Variants in MPPED2 observed in about 807,000 individuals in gnomAD.
MPPED2 encodes metallophosphoesterase MPPED2.
A neutral mutation model predicts 33.0 loss-of-function variants in MPPED2; 5 were observed. The observed-to-expected ratio is 0.15, with a 90% CI of 0.08 to 0.32. MPPED2 has a LOEUF of 0.32. Among genes scored for constraint, MPPED2 ranks in the 10% least tolerant of loss-of-function variants. The pLI, the probability that MPPED2 is intolerant of heterozygous loss-of-function variation, is 1.00. For missense variants in MPPED2, 275 were observed against 372.1 expected (o/e 0.74, Z 2.15); for synonymous variants, 136 against 141.9 (o/e 0.96, Z 0.29).
exon 7 of MPPED2, chr11:30,387,666 TGC>T (rs1365223860): frequency 6.6e-6 from 1 of 152,228 alleles, no homozygotes; most frequent in Non-Finnish European, 1.5e-5. Flanking sequence ...TTGGTAAGCA[TGC>T]CAGCTTCTTT....
chr11:30,525,876 T>C (rs1954138695), intron 3 of MPPED2, among the ~76,000 whole-genome samples: 1 of 152,108 alleles, frequency 6.6e-6, no homozygotes, highest in African/African-American at 2.4e-5. Context: ...ACACAGAGGA[T>C]TGGGTTCACA....
intron 2 of MPPED2, among the ~76,000 whole-genome samples, chr11:30,569,901 G>A (rs780030027): frequency 1.2e-4 from 19 of 152,036 alleles, no homozygotes; most frequent in Non-Finnish European, 2.4e-4. Flanking sequence ...ACCTGCTCCC[G>A]GTGCTAAAGT....
At chr11:30,505,319 G>A (rs1041643775) in intron 3 of MPPED2, among the ~76,000 whole-genome samples, 6 of 151,952 alleles carry the variant, frequency 3.9e-5, no homozygotes, top group South Asian at 2.1e-4. Context: ...ACTCATTCAC[G>A]CTTATATATA....
intron 6 of MPPED2, among the ~76,000 whole-genome samples, chr11:30,390,343 G>A (rs1565028951): frequency 6.6e-6 from 1 of 152,294 alleles, no homozygotes; most frequent in African/African-American, 2.4e-5. Flanking sequence ...ATGTGTTTTT[G>A]TCCTTATTGA....
intron 3 of MPPED2, among the ~76,000 whole-genome samples, chr11:30,508,394 C>G (rs1952958314): frequency 6.6e-6 from 1 of 152,188 alleles, no homozygotes; most frequent in East Asian, 1.9e-4. Flanking sequence ...CCTCCTCATA[C>G]ATATGCATAC....
chr11:30,508,499 T>G (rs1458379735), intron 3 of MPPED2, among the ~76,000 whole-genome samples: 3 of 152,194 alleles, frequency 2.0e-5, no homozygotes, highest in African/African-American at 7.2e-5. Flanking sequence ...AACCTGCTAG[T>G]AGCCTCCACA....
intron 3 of MPPED2, among the ~76,000 whole-genome samples, chr11:30,530,589 C>T (rs1476005726): frequency 1.3e-5 from 2 of 152,034 alleles, no homozygotes; most frequent in East Asian, 3.9e-4. Context: ...GTGGGAACAG[C>T]GTTTTCAAAG....
chr11:30,395,096 A>G (rs1947824163), intron 6 of MPPED2, among the ~76,000 whole-genome samples: 1 of 152,138 alleles, frequency 6.6e-6, no homozygotes. Context: ...ATCTTGATTA[A>G]TGTGTATTTA....
At chr11:30,510,184 C>T (rs569026736) in intron 3 of MPPED2, among the ~76,000 whole-genome samples, 3 of 152,126 alleles carry the variant, frequency 2.0e-5, no homozygotes, top group South Asian at 2.1e-4. Context: ...TGTACTATCA[C>T]GGTTTAAGGC....
intron 4 of MPPED2, among the ~76,000 whole-genome samples, chr11:30,432,637 G>C (rs1236024133): frequency 6.6e-6 from 1 of 152,068 alleles, no homozygotes; most frequent in African/African-American, 2.4e-5. Context: ...ATACGCCCTA[G>C]AATGAATACA....
At chr11:30,509,255 T>A (rs191542815) in intron 3 of MPPED2, among the ~76,000 whole-genome samples, 5 of 152,192 alleles carry the variant, frequency 3.3e-5, no homozygotes, top group African/African-American at 7.2e-5. Flanking sequence ...TTTTGTTGAA[T>A]GAGTGAACAA....
At chr11:30,566,531 A>C (rs923191412) in intron 2 of MPPED2, among the ~76,000 whole-genome samples, 5 of 152,138 alleles carry the variant, frequency 3.3e-5, no homozygotes, top group Non-Finnish European at 7.4e-5. Flanking sequence ...CCCTTTTTAA[A>C]GCCAAGTACA....
chr11:30,388,718 T>G, exon 7 of MPPED2: 29 of 785,308 alleles, frequency 3.7e-5, no homozygotes, highest in Non-Finnish European at 4.7e-5. Flanking sequence ...GTCCACCAGG[T>G]GAGCTTCCCT....
chr11:30,477,047 T>C (rs2134096175), intron 4 of MPPED2, among the ~76,000 whole-genome samples: 1 of 152,242 alleles, frequency 6.6e-6, no homozygotes, highest in East Asian at 1.9e-4. Flanking sequence ...AAACATACAA[T>C]TGGTTTTTGT....
intron 3 of MPPED2, among the ~76,000 whole-genome samples, chr11:30,504,254 A>G (rs931224249): frequency 2.0e-5 from 3 of 152,188 alleles, no homozygotes; most frequent in Non-Finnish European, 2.9e-5. Context: ...AAGCCTCTCT[A>G]TTTCACTGAG....
chr11:30,549,930 G>T (rs531117489), intron 2 of MPPED2, among the ~76,000 whole-genome samples: 1 of 152,204 alleles, frequency 6.6e-6, no homozygotes, highest in East Asian at 1.9e-4. Context: ...TTTGGGGAGG[G>T]GTGGCCAAGG....
chr11:30,564,901 G>A (rs1202836934), intron 2 of MPPED2, among the ~76,000 whole-genome samples: 2 of 152,098 alleles, frequency 1.3e-5, no homozygotes, highest in African/African-American at 4.8e-5. Context: ...ACATAAATCT[G>A]AGTAGCGTGG....
At chr11:30,531,489 T>A (rs1954524981) in intron 3 of MPPED2, among the ~76,000 whole-genome samples, 1 of 152,190 alleles carries the variant, frequency 6.6e-6, no homozygotes, top group South Asian at 2.1e-4. Flanking sequence ...GCCAATGCGG[T>A]GGTAGCTGCA....
intron 4 of MPPED2, among the ~76,000 whole-genome samples, chr11:30,479,350 G>A (rs1198430093): frequency 6.6e-6 from 1 of 152,064 alleles, no homozygotes; most frequent in South Asian, 2.1e-4. Flanking sequence ...TACATATAAT[G>A]TCAAAAGATA....
Sources: allele counts gnomAD v4.1 joint callset (sites outside exome capture counted in the v4.1 genomes callset), GRCh38; gene constraint gnomAD v4.1.1; transcripts MANE v1.5; gene names NCBI Gene and HGNC (gene_info 2026-07-23, HGNC 2026-07-21).